SLC12A9: variants seen among roughly 807,000 people sequenced by gnomAD.
SLC12A9 encodes the protein CCC-interacting protein 1.
Under a neutral mutation model 66.0 loss-of-function variants are expected in SLC12A9, and 55 were observed. The observed-to-expected ratio is 0.83, with a 90% CI of 0.67 to 1.04. The LOEUF is 1.04. Ranked by LOEUF, SLC12A9 falls within the 50% of genes least tolerant of loss-of-function variation. The probability of loss-of-function intolerance (pLI) is 0.00; values close to 1 mark genes in which losing one functional copy is unlikely to be tolerated. For missense variants in SLC12A9, 1,061 were observed against 1,241.9 expected (o/e 0.85, Z 2.19); for synonymous variants, 577 against 569.0 (o/e 1.01, Z -0.20).
chr7:100,863,819 C>T (rs978975775), intron 13 of SLC12A9, among the ~76,000 whole-genome samples: 9 of 152,188 alleles, frequency 5.9e-5, no homozygotes, highest in Non-Finnish European at 8.8e-5. Context: ...TAAAGTTCAA[C>T]AGTGTTGGAC....
At position 100,855,687 on chromosome 7, in the gene SLC12A9, C is replaced by T. The variant is rs1026835154; in HGVS notation, c.317-19C>T. The stretch of plus-strand genomic sequence containing the variant: ...TTTCAGTCTTTTCCCTTAATGCTCA[C>T]CCCTGCTTCCACTTTCAGTCATGAT... On this transcript the variant is annotated intron_variant, in intron 3 of 13. Transcript: ENST00000354161. 2.5e-6 allele frequency: 4 copies of T among 1,613,918 alleles called. No homozygotes were observed. The highest frequency in any genetic ancestry group is 2.7e-5 in the African/African-American group (2 of 74,934).
At chr7:100,857,232 G>C in intron 5 of SLC12A9, 56 bp downstream of exon 5, 1 of 1,554,358 alleles carries the variant, frequency 6.4e-7, no homozygotes, top group Non-Finnish European at 8.7e-7. Context: ...GCAGACGTCG[G>C]GCCGGGCCCG....
At chr7:100,857,773 A>G (rs1814483514) in intron 5 of SLC12A9, 1 of 153,344 alleles carries the variant, frequency 6.5e-6, no homozygotes, top group African/African-American at 2.4e-5. Context: ...TTAGCTGGGC[A>G]CGCTGGCTTG....
In SLC12A9 at chr7:100,860,786, C is replaced by T. The variant is rs573974983; in HGVS notation, c.1219-352C>T. The T allele has an allele frequency of 3.4e-4, 138 of 406,456 alleles. 2 individuals are homozygous for T. The highest frequency in any genetic ancestry group is 2.5e-3 in the South Asian group (122 of 48,962). The allele number at this position is 406,456 out of a possible 1,614,324, so 25.2% of individuals were successfully genotyped here. ...GGGGTTCATTGACACTTTGGGGGTG[C>T]GCTGGCACTTTGCATGGTTCACTGG... is the stretch of plus-strand genomic sequence containing the variant. On this transcript the variant is annotated intron_variant, in intron 9 of 13. Transcript: ENST00000354161.
chr7:100,830,775 GA>G (rs1306791958), intron 1 of SLC12A9, among the ~76,000 whole-genome samples: 1 of 151,808 alleles, frequency 6.6e-6, no homozygotes, highest in Non-Finnish European at 1.5e-5. Context: ...CAACCTGGTA[GA>G]AAAAAAATCC....
chr7:100,848,213 A>G (rs1261458105), upstream of SLC12A9, among the ~76,000 whole-genome samples: 1 of 151,972 alleles, frequency 6.6e-6, no homozygotes, highest in Non-Finnish European at 1.5e-5. Context: ...GATGGTATTA[A>G]AACAGATTGG....
Position 100,854,181 on chromosome 7 carries a change from T to A in SLC12A9, c.-17T>A. 6.5e-7 allele frequency: 1 copy of A among 1,547,306 alleles called. No individual in the cohort carries two copies. Among genetic ancestry groups the A allele is most frequent in the Non-Finnish European group, 8.6e-7 (1 of 1,157,690 alleles). On this transcript the variant is annotated 5_prime_UTR_variant, in exon 2 of 14. Transcript: ENST00000354161. The stretch of plus-strand genomic sequence containing the variant: ...GTCACCTAACCCATTTGTGGCTTCC[T>A]CTACCTGTGCTCAGCCATGGCCAGC...
intron 4 of SLC12A9, chr7:100,856,611 C>T (rs1814403779): frequency 2.2e-6 from 1 of 462,008 alleles, no homozygotes; most frequent in Non-Finnish European, 3.9e-6. Flanking sequence ...GCCTCCCGGG[C>T]TCATGCGATT....
At chr7:100,839,445 G>A (rs1046521898) in intron 1 of SLC12A9, among the ~76,000 whole-genome samples, 10 of 152,124 alleles carry the variant, frequency 6.6e-5, no homozygotes, top group African/African-American at 2.2e-4. Flanking sequence ...GGAGTTTTCT[G>A]CGCCTCGTCC....
At chr7:100,827,483 G>C (rs1221025210) in intron 1 of SLC12A9, 5 of 151,278 alleles carry the variant, frequency 3.3e-5, no homozygotes, top group African/African-American at 1.2e-4. Flanking sequence ...GCGCGGAGCC[G>C]GGCGGGCCGG....
At chr7:100,859,838 A>G (rs1562992787) in intron 7 of SLC12A9, 47 bp from the exon 8 acceptor site, 1 of 1,559,340 alleles carries the variant, frequency 6.4e-7, no homozygotes, top group Non-Finnish European at 8.7e-7. Context: ...AGATTTTCTT[A>G]CCCCGTGACG....
chr7:100,833,920 G>A (rs7785074), intron 1 of SLC12A9, among the ~76,000 whole-genome samples: 32,546 of 122,784 alleles, frequency 0.27, 4,806 homozygotes, highest in East Asian at 0.62. Flanking sequence ...GGTACAGAGC[G>A]AGACTCTGTC....
chr7:100,843,028 C>G (rs1172846918), intron 1 of SLC12A9, among the ~76,000 whole-genome samples: 1 of 152,234 alleles, frequency 6.6e-6, no homozygotes, highest in Admixed American at 6.5e-5. Flanking sequence ...TGAAGGGATG[C>G]GATGAGCTTA....
At position 100,865,785 on chromosome 7, in the gene SLC12A9, T is replaced by C. The variant is rs1285731640; in HGVS notation, c.1925T>C (p.Leu642Pro). The change falls in exon 14 of 14, where the codon CTG becomes CCG. Residue 642 changes from leucine (L) to proline (P), a missense_variant. Leu to Pro is a moderately conservative substitution (Grantham distance 98). Transcript: ENST00000354161. Reference protein sequence around the residue: ...YDDAPPQDHFLTDPAFSEPAD... With the variant: ...YDDAPPQDHFPTDPAFSEPAD... The stretch of plus-strand genomic sequence containing the variant: ...GACGCTCCACCGCAGGACCATTTCC[T>C]GACGGACCCGGCTTTCTCTGAGCCT... The C allele has an allele frequency of 2.5e-6, 4 of 1,613,920 alleles. No individual in the cohort carries two copies. In the African/African-American group the frequency reaches 5.3e-5, roughly 22 times the overall value.
chr7:100,835,979 G>GGGTAGTGGGAGGGTTGGGGAGA (rs1282401227), intron 1 of SLC12A9, among the ~76,000 whole-genome samples: 3 of 152,330 alleles, frequency 2.0e-5, no homozygotes, highest in African/African-American at 4.8e-5. Context: ...GAAAGGTACA[G>GGGTAGTGGGAGGGTTGGGGAGA]GGTAGTGGGA....
chr7:100,855,966 G>A (rs1349874356), intron 4 of SLC12A9, 129 bp downstream of exon 4: 2 of 1,417,772 alleles, frequency 1.4e-6, no homozygotes, highest in Non-Finnish European at 1.9e-6. Flanking sequence ...TGGAGCTTCT[G>A]CTGTGTGGCC....
At chr7:100,854,845 C>A in intron 3 of SLC12A9, 91 bp downstream of exon 3, 1 of 1,524,172 alleles carries the variant, frequency 6.6e-7, no homozygotes. Flanking sequence ...GGCTCAGGGG[C>A]AAGACAAGTG....
intron 1 of SLC12A9, among the ~76,000 whole-genome samples, chr7:100,834,277 G>T (rs1017464868): frequency 2.6e-5 from 4 of 152,266 alleles, no homozygotes; most frequent in African/African-American, 9.6e-5. Context: ...AGGTCAGAGA[G>T]GGCAAGGACA....
intron 1 of SLC12A9, among the ~76,000 whole-genome samples, chr7:100,839,764 C>T (rs557709187): frequency 6.6e-6 from 1 of 152,186 alleles, no homozygotes; most frequent in Non-Finnish European, 1.5e-5. Context: ...CACTCCAGGC[C>T]AGGTGTGGTG....
Sources: gnomAD v4.1 joint callset for allele counts (sites outside exome capture counted in the v4.1 genomes callset) on GRCh38, gnomAD v4.1.1 for gene constraint, MANE v1.5 for transcripts, NCBI Gene and HGNC (gene_info 2026-07-23, HGNC 2026-07-21) for gene names.